Variants in RAB38 observed in about 807,000 individuals in gnomAD.
RAB38 encodes the protein RAB38, member RAS oncogene family, also known as ras-related protein Rab-38.
Under a neutral mutation model 18.4 loss-of-function variants are expected in RAB38, and 15 were observed. That is an observed-to-expected ratio of 0.82 (90% CI 0.55 to 1.26). The LOEUF (loss-of-function observed/expected upper bound fraction) is 1.26. Among genes scored for constraint, RAB38 ranks in the 50% most tolerant of loss-of-function variants. The pLI is 0.00. For synonymous variants in RAB38, 101 were observed against 104.4 expected (o/e 0.97, Z 0.20); for missense variants, 294 against 267.4 (o/e 1.10, Z -0.69).
the RAB38 span, among the ~76,000 whole-genome samples, chr11:88,057,803 A>C: frequency 6.6e-6 from 1 of 152,108 alleles, no homozygotes; most frequent in Non-Finnish European, 1.5e-5. Context: ...CCCCAGCCCT[A>C]GTTCATTGCT....
At chr11:88,067,128 A>G in the RAB38 span, among the ~76,000 whole-genome samples, 1 of 152,224 alleles carries the variant, frequency 6.6e-6, no homozygotes, top group Non-Finnish European at 1.5e-5. Context: ...CACTGCAGCC[A>G]CTAGAGAAGA....
chr11:87,805,110 A>G, the RAB38 span, among the ~76,000 whole-genome samples: 1 of 152,224 alleles, frequency 6.6e-6, no homozygotes, highest in Non-Finnish European at 1.5e-5. Flanking sequence ...CTGAAAAGCT[A>G]CTTTTCACTT....
At chr11:88,123,838 C>T (rs1353273784) in intron 2 of RAB38, among the ~76,000 whole-genome samples, 1 of 152,184 alleles carries the variant, frequency 6.6e-6, no homozygotes, top group Non-Finnish European at 1.5e-5. Flanking sequence ...ATTTTTACGA[C>T]TATATAGTAC....
the RAB38 span, among the ~76,000 whole-genome samples, chr11:88,076,376 A>G: frequency 2.0e-5 from 3 of 152,130 alleles, no homozygotes; most frequent in African/African-American, 7.2e-5. Context: ...AGACAAAGAT[A>G]CCTACTTTCA....
the RAB38 span, among the ~76,000 whole-genome samples, chr11:88,054,878 C>T: frequency 6.6e-6 from 1 of 152,088 alleles, no homozygotes; most frequent in Non-Finnish European, 1.5e-5. Flanking sequence ...TAAGACAAAG[C>T]CTTGGGCATG....
chr11:88,085,251 G>A, the RAB38 span, among the ~76,000 whole-genome samples: 28 of 152,026 alleles, frequency 1.8e-4, no homozygotes, highest in African/African-American at 6.3e-4. Flanking sequence ...TCTCTTGTGG[G>A]TTAACCCTTC....
At chr11:87,846,662 CAAA>C in the RAB38 span, among the ~76,000 whole-genome samples, 1 of 151,942 alleles carries the variant, frequency 6.6e-6, no homozygotes, top group South Asian at 2.1e-4. Flanking sequence ...TCAGTAAAGA[CAAA>C]GAAGATCTCA....
Position 88,116,522 on chromosome 11 carries a change from T to A in RAB38, c.484-2382A>T, listed in dbSNP as rs763248303. Among the ~76,000 whole-genome samples, 235 of 152,264 alleles carry A rather than the reference T, an allele frequency of 1.5e-3. 1 individual carries two copies. Among genetic ancestry groups the A allele is most frequent in the Non-Finnish European group, 2.7e-3 (181 of 68,008 alleles). On this transcript the variant is annotated intron_variant, in intron 2 of 2. Transcript: ENST00000243662. ...AAGGGGTTAAAAGGCTTCCCCAGAA[T>A]CACACAGCAAGTGGGCTGGGAGGCC... is the stretch of plus-strand genomic sequence containing the variant.
the RAB38 span, among the ~76,000 whole-genome samples, chr11:87,889,321 C>A: frequency 6.6e-6 from 1 of 151,848 alleles, no homozygotes; most frequent in Non-Finnish European, 1.5e-5. Context: ...ACATGACCTC[C>A]CAAATCCAAA....
At chr11:87,804,375 A>G in the RAB38 span, among the ~76,000 whole-genome samples, 1 of 152,084 alleles carries the variant, frequency 6.6e-6, no homozygotes, top group East Asian at 1.9e-4. Context: ...CACTAGTCTT[A>G]GGGCATTTGC....
the RAB38 span, among the ~76,000 whole-genome samples, chr11:87,818,295 T>A: frequency 1.3e-5 from 2 of 152,196 alleles, no homozygotes; most frequent in Non-Finnish European, 2.9e-5. Flanking sequence ...CTCAAACTAG[T>A]ATGCCATATT....
the RAB38 span, among the ~76,000 whole-genome samples, chr11:88,079,462 A>C: frequency 6.6e-6 from 1 of 151,760 alleles, no homozygotes; most frequent in Admixed American, 6.6e-5. Context: ...AGCCCAAACA[A>C]ACTTACTAGC....
the RAB38 span, among the ~76,000 whole-genome samples, chr11:87,825,537 G>GTGC: frequency 6.6e-6 from 1 of 152,088 alleles, no homozygotes; most frequent in Admixed American, 6.6e-5. Flanking sequence ...AAGGAAACCA[G>GTGC]TGCAGTTGGA....
chr11:88,141,968 A>G (rs1227549189), intron 2 of RAB38, among the ~76,000 whole-genome samples: 1 of 152,158 alleles, frequency 6.6e-6, no homozygotes, highest in African/African-American at 2.4e-5. Flanking sequence ...TAGGAGATAG[A>G]TATATGCCAG....
chr11:87,953,505 CTG>C, the RAB38 span, among the ~76,000 whole-genome samples: 1 of 152,122 alleles, frequency 6.6e-6, no homozygotes, highest in Non-Finnish European at 1.5e-5. Context: ...AAAAATATAA[CTG>C]TGCTATAATA....
chr11:88,054,145 G>C, the RAB38 span, among the ~76,000 whole-genome samples: 1 of 152,140 alleles, frequency 6.6e-6, no homozygotes, highest in African/African-American at 2.4e-5. Context: ...TAAGAACTTA[G>C]CTATTATGAA....
the RAB38 span, among the ~76,000 whole-genome samples, chr11:87,954,329 A>G: frequency 2.0e-5 from 3 of 152,184 alleles, no homozygotes; most frequent in African/African-American, 7.2e-5. Context: ...GACTCATCAC[A>G]TAATTCCCCA....
the RAB38 span, among the ~76,000 whole-genome samples, chr11:87,976,921 TA>T: frequency 0.62 from 150 of 240 alleles, 58 homozygotes; most frequent in Admixed American, 0.92. Flanking sequence ...TTATATATTA[TA>T]ATTACATTAT....
the RAB38 span, among the ~76,000 whole-genome samples, chr11:87,873,362 T>G: frequency 6.6e-6 from 1 of 151,660 alleles, no homozygotes; most frequent in African/African-American, 2.4e-5. Flanking sequence ...TCATCAAATA[T>G]GTCTTTTGCA....
Sources: allele counts gnomAD v4.1 joint callset (sites outside exome capture counted in the v4.1 genomes callset), GRCh38; gene constraint gnomAD v4.1.1; transcripts MANE v1.5; gene names NCBI Gene and HGNC (gene_info 2026-07-23, HGNC 2026-07-21).